PCDHA6: variants seen among roughly 807,000 people sequenced by gnomAD.
The protein encoded by PCDHA6 is protocadherin alpha-6.
PCDHA6 carries 55 observed loss-of-function variants against 60.3 expected under a neutral mutation model. The ratio of observed to expected loss-of-function variants is 0.91; its 90% CI spans 0.73 to 1.14. The LOEUF (loss-of-function observed/expected upper bound fraction) is 1.14. Ranked by LOEUF, PCDHA6 falls within the 50% of genes most tolerant of loss-of-function variation. PCDHA6 has a pLI of 0.00. For synonymous variants in PCDHA6, 652 were observed against 557.9 expected (o/e 1.17, Z -2.38); for missense variants, 1,327 against 1,256.5 (o/e 1.06, Z -0.85).
In PCDHA6 at chr5:140,882,396, C is replaced by A. The variant is rs1287441519; in HGVS notation, c.2394+51911C>A. 54 of 1,614,078 alleles carry A rather than the reference C, an allele frequency of 3.3e-5. No homozygotes were observed. The highest frequency in any genetic ancestry group is 4.6e-5 in the Non-Finnish European group (54 of 1,180,056). On this transcript the variant is annotated intron_variant, in intron 1 of 3. Transcript: ENST00000529310. The stretch of plus-strand genomic sequence containing the variant: ...GTCCCCGAGGAAGCAAAACACGGCA[C>A]CTTCGTGGGCCGCATCGCTCAGGAC...
At chr5:140,879,026 A>G (rs1381722750) in intron 1 of PCDHA6, among the ~76,000 whole-genome samples, 2 of 152,234 alleles carry the variant, frequency 1.3e-5, no homozygotes, top group Non-Finnish European at 2.9e-5. Context: ...GTTTTATTGA[A>G]GAGTGTCTTG....
At chr5:140,949,634 G>A (rs1172841481) in intron 1 of PCDHA6, among the ~76,000 whole-genome samples, 3 of 151,562 alleles carry the variant, frequency 2.0e-5, no homozygotes, top group East Asian at 1.9e-4. Flanking sequence ...ATGGCATATT[G>A]CTTTTTGTTC....
At chr5:140,924,064 G>T (rs1584331926) in intron 1 of PCDHA6, among the ~76,000 whole-genome samples, 1 of 152,172 alleles carries the variant, frequency 6.6e-6, no homozygotes. Context: ...CTTTACAGTT[G>T]TATTTCATCT....
chr5:140,843,762 T>G, intron 1 of PCDHA6: 4 of 1,493,648 alleles, frequency 2.7e-6, no homozygotes, highest in Non-Finnish European at 3.7e-6. Context: ...TTGTGGAAAT[T>G]GTAGTTACTT....
At position 140,830,163 on chromosome 5, in the gene PCDHA6, C is replaced by A; in HGVS notation, c.2072C>A (p.Ala691Glu). 6.2e-7 allele frequency: 1 copy of A among 1,613,430 alleles called. No individual in the cohort carries two copies. Among genetic ancestry groups the A allele is most frequent in the Non-Finnish European group, 8.5e-7 (1 of 1,179,874 alleles). ...TCGGTGGGCGCCGCGGGCCCAGAGG[C>A]GGCGCTGGTGGATGTCAACGTGTAC... Reference protein sequence around the residue: ...RASVGAAGPEAALVDVNVYLI... With the variant: ...RASVGAAGPEEALVDVNVYLI... The change falls in exon 1 of 4, where the codon GCG becomes GAG. Residue 691 changes from alanine to glutamate, a missense_variant. By Grantham distance (107) the Ala-to-Glu change is moderately radical. Coordinates refer to ENST00000529310, the MANE Select transcript of PCDHA6 (RefSeq NM_018909.4).
chr5:140,896,194 T>G (rs2065426928), intron 1 of PCDHA6, among the ~76,000 whole-genome samples: 2 of 152,244 alleles, frequency 1.3e-5, no homozygotes, highest in Middle Eastern at 3.2e-3. Flanking sequence ...AATAGTGCCA[T>G]GATGAACATA....
intron 1 of PCDHA6, among the ~76,000 whole-genome samples, chr5:140,937,108 G>A (rs1014984809): frequency 7.3e-5 from 11 of 151,276 alleles, no homozygotes; most frequent in Non-Finnish European, 1.5e-4. Context: ...CGCAGTCTCG[G>A]CTCACTGCAA....
intron 1 of PCDHA6, among the ~76,000 whole-genome samples, chr5:140,934,524 G>A (rs181182103): frequency 4.4e-4 from 67 of 152,192 alleles, no homozygotes; most frequent in Admixed American, 3.1e-3. Context: ...ACCACACTTC[G>A]AGAGCTACCG....
At position 140,830,481 on chromosome 5, in the gene PCDHA6, C is replaced by T; in HGVS notation, c.2390C>T (p.Ala797Val). ...ENQDLNEDHD[A>V]KPRQPNPDWR... is the part of the protein sequence containing the mutation. ...CAGGATTTAAATGAAGATCATGATG[C>T]CAAAGTAAGTGAATTTTCATAATTA... The change falls in exon 1 of 4, where the codon GCC (alanine) becomes GTC (valine). Residue 797 changes from alanine (A) to valine (V), a missense_variant. Coordinates refer to ENST00000529310, the MANE Select transcript of PCDHA6 (RefSeq NM_018909.4). 1 of 1,505,882 alleles carries T rather than the reference C, an allele frequency of 6.6e-7. No individual in the cohort carries two copies. Among genetic ancestry groups the T allele is most frequent in the Non-Finnish European group, 8.9e-7 (1 of 1,122,754 alleles). 93.3% of individuals were successfully genotyped at this position (1,505,882 alleles called of 1,614,324 possible).
intron 1 of PCDHA6, chr5:140,862,416 C>A: frequency 2.8e-6 from 1 of 351,276 alleles, no homozygotes; most frequent in South Asian, 2.2e-5. Flanking sequence ...TCAAAAGGCG[C>A]TGCCCAGAAA....
chr5:140,963,207 CCT>C (rs1246984290), intron 1 of PCDHA6, among the ~76,000 whole-genome samples: 4 of 148,438 alleles, frequency 2.7e-5, no homozygotes, highest in East Asian at 1.9e-4. Flanking sequence ...AAAAAAAAAA[CCT>C]CGTGTTTAGA....
At chr5:140,925,513 A>G (rs2082534793) in intron 1 of PCDHA6, among the ~76,000 whole-genome samples, 1 of 152,104 alleles carries the variant, frequency 6.6e-6, no homozygotes, top group South Asian at 2.1e-4. Flanking sequence ...CACGCAAAAG[A>G]CCAAATTAAA....
At chr5:140,922,139 C>A (rs2080663133) in intron 1 of PCDHA6, among the ~76,000 whole-genome samples, 1 of 151,854 alleles carries the variant, frequency 6.6e-6, no homozygotes, top group Non-Finnish European at 1.5e-5. Flanking sequence ...TCTTATCCTC[C>A]ATGAAACTCA....
intron 1 of PCDHA6, chr5:140,968,152 C>T (rs782362724): frequency 6.2e-7 from 1 of 1,614,172 alleles, no homozygotes; most frequent in South Asian, 1.1e-5. Context: ...TCTCTGACAT[C>T]AATGACAATC....
At chr5:140,843,145 G>C in intron 1 of PCDHA6, 1 of 1,596,072 alleles carries the variant, frequency 6.3e-7, no homozygotes, top group South Asian at 1.1e-5. Context: ...CGTGGCTTTC[G>C]TATGAGCTGC....
At chr5:141,007,749 T>C (rs2098343750) in intron 3 of PCDHA6, among the ~76,000 whole-genome samples, 2 of 152,334 alleles carry the variant, frequency 1.3e-5, no homozygotes, top group South Asian at 4.1e-4. Flanking sequence ...AAGATAACTT[T>C]GGACTCTTAT....
At chr5:140,882,732 A>G (rs782399296) in intron 1 of PCDHA6, 3 of 1,614,228 alleles carry the variant, frequency 1.9e-6, no homozygotes, top group Non-Finnish European at 2.5e-6. Context: ...TTTCCACTAG[A>G]TGGCGCATCC....
At chr5:140,836,276 C>T (rs2150256592) in intron 1 of PCDHA6, 3 of 1,613,790 alleles carry the variant, frequency 1.9e-6, no homozygotes, top group East Asian at 2.2e-5. Flanking sequence ...CTGGTGAGAT[C>T]AGCACGACAC....
chr5:140,926,891 G>A, intron 1 of PCDHA6: 9 of 1,545,914 alleles, frequency 5.8e-6, no homozygotes, highest in Non-Finnish European at 7.9e-6. Context: ...CCTAGAGGGA[G>A]GATGGTGGGC....
Sources: gnomAD v4.1 joint callset for allele counts (sites outside exome capture counted in the v4.1 genomes callset) on GRCh38, gnomAD v4.1.1 for gene constraint, MANE v1.5 for transcripts, NCBI Gene and HGNC (gene_info 2026-07-23, HGNC 2026-07-21) for gene names.